Variants in SMUG1 observed in about 807,000 individuals in gnomAD.
SMUG1 encodes single-strand selective monofunctional uracil DNA glycosylase.
SMUG1 carries 13 observed loss-of-function variants against 23.9 expected under a neutral mutation model. The ratio of observed to expected loss-of-function variants is 0.54; its 90% CI spans 0.35 to 0.86. The LOEUF is 0.86. Among genes scored for constraint, SMUG1 ranks in the 40% least tolerant of loss-of-function variants. The pLI is 0.01. For missense variants in SMUG1, 313 were observed against 339.5 expected (o/e 0.92, Z 0.61); for synonymous variants, 133 against 139.8 (o/e 0.95, Z 0.34).
chr12:54,163,311 C>T (rs1198584482), downstream of SMUG1: 2 of 152,232 alleles, frequency 1.3e-5, no homozygotes, highest in Admixed American at 6.5e-5. Flanking sequence ...GGCTCTGCCA[C>T]TTATTAACTA....
At chr12:54,174,438 G>A (rs577744026) in intron 2 of SMUG1, among the ~76,000 whole-genome samples, 3 of 152,360 alleles carry the variant, frequency 2.0e-5, no homozygotes, top group South Asian at 2.1e-4. Flanking sequence ...AGAAGACAAA[G>A]TGTGAGATCC....
At chr12:54,160,664 G>C (rs1189091576), downstream of SMUG1, among the ~76,000 whole-genome samples, 1 of 152,180 alleles carries the variant, frequency 6.6e-6, no homozygotes, top group Non-Finnish European at 1.5e-5. Flanking sequence ...CTGGATCCTG[G>C]AACAGGTGGC....
intron 3 of SMUG1, 155 bp downstream of exon 3, chr12:54,183,501 G>C (rs763148741): frequency 5.7e-4 from 414 of 725,154 alleles, no homozygotes; most frequent in Non-Finnish European, 8.6e-4. Context: ...AGAGGGCCTC[G>C]GACCACAGGA....
chr12:54,172,006 G>A (rs1940631808), intron 3 of SMUG1: 1 of 444,064 alleles, frequency 2.3e-6, no homozygotes, highest in Admixed American at 2.4e-5. Context: ...CCCTGGTCCT[G>A]GCCCTCATCC....
At chr12:54,179,245 A>C (rs1036988448), downstream of SMUG1, among the ~76,000 whole-genome samples, 1 of 152,176 alleles carries the variant, frequency 6.6e-6, no homozygotes, top group Non-Finnish European at 1.5e-5. Flanking sequence ...GTGTGAGTCA[A>C]TTATCCTGAA....
In SMUG1 at chr12:54,181,995, A is replaced by G; in HGVS notation, c.*101T>C. The G allele has an allele frequency of 1.3e-6, 2 of 1,508,278 alleles. No individual in the cohort carries two copies. The highest frequency in any genetic ancestry group is 8.8e-7 in the Non-Finnish European group (1 of 1,130,752). 93.4% of individuals were successfully genotyped at this position (1,508,278 alleles called of 1,614,324 possible). A position where few individuals can be genotyped will look rare whatever the true frequency, so the allele number is the denominator to read the frequency against. The stretch of plus-strand genomic sequence containing the variant: ...ACGTTTCCCAGCGACCAGGGTGCAC[A>G]GAAGGACCTTTTGCTCCAGTCCAGG... On this transcript the variant is annotated 3_prime_UTR_variant, in exon 4 of 4. Coordinates refer to ENST00000682136, the MANE Select transcript of SMUG1 (RefSeq NM_001243787.2).
chr12:54,164,913 TCAAA>T (rs1223366982), intron 4 of SMUG1: 2 of 152,186 alleles, frequency 1.3e-5, no homozygotes, highest in African/African-American at 4.8e-5. Flanking sequence ...TTTATTATCA[TCAAA>T]CAATTATATC....
At chr12:54,169,509 T>C (rs1364008842) in intron 3 of SMUG1, among the ~76,000 whole-genome samples, 29 of 69,182 alleles carry the variant, frequency 4.2e-4, no homozygotes, top group African/African-American at 2.8e-3. Flanking sequence ...TGGGTCAGGC[T>C]TAAAAAAAAA....
At chr12:54,161,373 C>A (rs959739125), downstream of SMUG1, among the ~76,000 whole-genome samples, 6 of 152,300 alleles carry the variant, frequency 3.9e-5, no homozygotes, top group African/African-American at 1.4e-4. This position sits in a 1 kb window ranked among gnomAD's most constrained non-coding sequence, Gnocchi z 4.2. Flanking sequence ...GAGCCCCAGA[C>A]CAAGGGCCAA....
chr12:54,181,634 C>T lies in SMUG1; in HGVS notation c.*462G>A, dbSNP rs1941094824. ...TTCACTCTTAATTTCATGTCCCATG[C>T]TTTGTCTTGGTCCCTGTGAGGAAAG... is the stretch of plus-strand genomic sequence containing the variant. On this transcript the variant is annotated 3_prime_UTR_variant, in exon 4 of 4. Transcript: ENST00000682136. 1 of 1,588,630 alleles carries T rather than the reference C, an allele frequency of 6.3e-7. No individual in the cohort carries two copies. Among genetic ancestry groups the T allele is most frequent in the Non-Finnish European group, 8.5e-7 (1 of 1,175,066 alleles).
chr12:54,159,719 G>T (rs1435187852), intron 4 of SMUG1, among the ~76,000 whole-genome samples: 6 of 152,184 alleles, frequency 3.9e-5, no homozygotes, highest in Admixed American at 3.3e-4. Flanking sequence ...GGAGGGAGGG[G>T]GCCCTGTGTG....
At chr12:54,166,423 G>A (rs1940467684) in intron 3 of SMUG1, among the ~76,000 whole-genome samples, 1 of 152,080 alleles carries the variant, frequency 6.6e-6, no homozygotes, top group Non-Finnish European at 1.5e-5. Context: ...CGGCCCACAT[G>A]AAGTTGTCCC....
chr12:54,162,217 C>T (rs1211114182), downstream of SMUG1: 3 of 152,324 alleles, frequency 2.0e-5, no homozygotes, highest in African/African-American at 7.2e-5. Context: ...ACTGCACCCC[C>T]AGATCCAGTG....
At chr12:54,175,399 G>T (rs892211090), downstream of SMUG1, among the ~76,000 whole-genome samples, 10 of 152,206 alleles carry the variant, frequency 6.6e-5, no homozygotes, top group African/African-American at 2.4e-4. Flanking sequence ...CTTGGCTCTT[G>T]CCTAATTCCT....
At chr12:54,185,855 G>C (rs1942338559) in intron 2 of SMUG1, among the ~76,000 whole-genome samples, 1 of 152,002 alleles carries the variant, frequency 6.6e-6, no homozygotes, top group Admixed American at 6.6e-5. Flanking sequence ...GAGATGTTAT[G>C]TTTAGGTGAA....
chr12:54,185,764 C>G (rs1942310886), intron 2 of SMUG1, among the ~76,000 whole-genome samples: 1 of 152,046 alleles, frequency 6.6e-6, no homozygotes, highest in Non-Finnish European at 1.5e-5. Context: ...TTGCAGTGAG[C>G]CGAGATTGTG....
chr12:54,172,639 G>T (rs986976483), intron 2 of SMUG1, among the ~76,000 whole-genome samples: 2 of 152,194 alleles, frequency 1.3e-5, no homozygotes, highest in African/African-American at 4.8e-5. Context: ...AACCTCAAAA[G>T]ATCCTGAAGC....
downstream of SMUG1, among the ~76,000 whole-genome samples, chr12:54,176,517 A>ACCCCCCCC (rs1247915453): frequency 6.7e-5 from 5 of 74,952 alleles, no homozygotes; most frequent in African/African-American, 1.0e-4. Context: ...TCCCCCCCCA[A>ACCCCCCCC]AAAAAAAGGC....
chr12:54,160,022 T>G (rs935256255), downstream of SMUG1, among the ~76,000 whole-genome samples: 2 of 152,156 alleles, frequency 1.3e-5, no homozygotes. Flanking sequence ...ACTGACACAA[T>G]GGGCTTTCAC....
Sources: allele counts gnomAD v4.1 joint callset (sites outside exome capture counted in the v4.1 genomes callset), GRCh38; gene constraint gnomAD v4.1.1; non-coding constraint Gnocchi (gnomAD v3.1); transcripts MANE v1.5; gene names NCBI Gene and HGNC (gene_info 2026-07-23, HGNC 2026-07-21).